The following SERPINB10 variants were observed in gnomAD, a reference collection of about 807,000 sequenced individuals.
SERPINB10 encodes serpin family B member 10, also known as serpin B10.
In SERPINB10, 35 loss-of-function variants were observed where a neutral mutation model predicts 39.1. The observed-to-expected ratio is 0.90, with a 90% CI of 0.68 to 1.19. The LOEUF is 1.19. Among genes scored for constraint, SERPINB10 ranks in the 50% most tolerant of loss-of-function variants. The pLI is 0.00. For missense variants in SERPINB10, 546 were observed against 460.5 expected (o/e 1.19, Z -1.70); for synonymous variants, 190 against 158.1 (o/e 1.20, Z -1.52).
intron 4 of SERPINB10, 112 bp downstream of exon 4, chr18:63,918,214 G>A (rs2050119056): frequency 9.2e-7 from 1 of 1,086,316 alleles, no homozygotes; most frequent in Non-Finnish European, 1.3e-6. Context: ...CATGTGGTCA[G>A]TACTTCCCTG....
rs937497973 is a variant in SERPINB10 at position 63,935,858 on chromosome 18, C to T, written c.*616C>T. The T allele has an allele frequency of 6.6e-6, 1 of 152,122 alleles. No individual in the cohort carries two copies. The highest frequency in any genetic ancestry group is 1.5e-5 in the Non-Finnish European group (1 of 68,016). The allele number at this position is 152,122 out of a possible 1,614,324, so 9.4% of individuals were successfully genotyped here. A position where few individuals can be genotyped will look rare whatever the true frequency, so the allele number is the denominator to read the frequency against. Reference sequence around the variant, plus strand: ...TAAATTATGATTGTAAAACTAAACCCCCTTTTTCTGCTATTTAAAAAATAC... The same window carrying T: ...TAAATTATGATTGTAAAACTAAACCTCCTTTTTCTGCTATTTAAAAAATAC... On this transcript the variant is annotated 3_prime_UTR_variant, in exon 8 of 8. Transcript: ENST00000238508.
intron 2 of SERPINB10, among the ~76,000 whole-genome samples, chr18:63,916,842 T>G (rs2050106687): frequency 6.6e-6 from 1 of 152,042 alleles, no homozygotes; most frequent in Admixed American, 6.6e-5. Context: ...GTTGAAGCAG[T>G]ATACCGTATT....
intron 5 of SERPINB10, among the ~76,000 whole-genome samples, chr18:63,929,299 T>C (rs2050202759): frequency 6.6e-6 from 1 of 152,172 alleles, no homozygotes; most frequent in African/African-American, 2.4e-5. Flanking sequence ...GTTAGAAATT[T>C]AAAATTTTTG....
At chr18:63,915,246 A>C (rs1043381499) in intron 1 of SERPINB10, among the ~76,000 whole-genome samples, 3 of 152,104 alleles carry the variant, frequency 2.0e-5, no homozygotes, top group African/African-American at 7.2e-5. Context: ...TATGGGACTC[A>C]GCTTTTAACT....
At chr18:63,928,512 C>T (rs1333432951) in intron 5 of SERPINB10, among the ~76,000 whole-genome samples, 1 of 152,000 alleles carries the variant, frequency 6.6e-6, no homozygotes, top group Non-Finnish European at 1.5e-5. Context: ...AAAACATTGG[C>T]ACAGCCTTTC....
At chr18:63,915,216 G>T (rs544289419) in intron 1 of SERPINB10, among the ~76,000 whole-genome samples, 130 of 152,170 alleles carry the variant, frequency 8.5e-4, no homozygotes, top group Non-Finnish European at 1.5e-3. Context: ...AAAATGTCAA[G>T]AGAGTGGCAA....
intron 4 of SERPINB10, among the ~76,000 whole-genome samples, chr18:63,919,213 G>A (rs2050127870): frequency 6.7e-6 from 1 of 150,350 alleles, no homozygotes; most frequent in Non-Finnish European, 1.5e-5. Context: ...AACATCAGAG[G>A]ACCAGGAGGA....
chr18:63,913,127 C>T (rs140743375), intron 1 of SERPINB10, among the ~76,000 whole-genome samples: 106 of 151,772 alleles, frequency 7.0e-4, no homozygotes, highest in African/African-American at 2.1e-3. Flanking sequence ...TGTAATGTCA[C>T]TTTTGTTATT....
Position 63,915,811 on chromosome 18 carries a change from T to G in SERPINB10, c.168+133T>G, listed in dbSNP as rs17072100. ...ACATTCTCTAAAACAAGACATACAT[T>G]AAAACATTCTATACCATAAAACAAA... On this transcript the variant is annotated intron_variant, in intron 2 of 7. Transcript: ENST00000238508. 7.8e-3 allele frequency: 5,986 copies of G among 768,448 alleles called. 281 individuals are homozygous for G. In the African/African-American group the frequency reaches 0.097, roughly 12 times the overall value. 47.6% of individuals were successfully genotyped at this position (768,448 alleles called of 1,614,324 possible).
chr18:63,917,592 T>C (rs2050113601), intron 3 of SERPINB10, 71 bp downstream of exon 3: 1 of 866,624 alleles, frequency 1.2e-6, no homozygotes, highest in African/African-American at 1.8e-5. Context: ...ATTTTAGTGA[T>C]AACTGAAGCA....
intron 1 of SERPINB10, among the ~76,000 whole-genome samples, chr18:63,909,091 G>A (rs73478024): frequency 0.051 from 7,767 of 151,958 alleles, 691 homozygotes; most frequent in African/African-American, 0.18. Context: ...GATGTGCTAG[G>A]GGCATGCGAT....
chr18:63,924,597 G>A (rs754971462), intron 5 of SERPINB10, among the ~76,000 whole-genome samples: 3 of 151,904 alleles, frequency 2.0e-5, no homozygotes, highest in Admixed American at 1.3e-4. Flanking sequence ...GTCAAAGTTA[G>A]GAGCCACTGC....
intron 1 of SERPINB10, among the ~76,000 whole-genome samples, chr18:63,914,511 A>G (rs1185881576): frequency 1.3e-5 from 2 of 152,122 alleles, no homozygotes; most frequent in Non-Finnish European, 2.9e-5. Context: ...ATTTTGCCAT[A>G]AAATCAAAAT....
intron 1 of SERPINB10, 79 bp downstream of exon 1, chr18:63,908,119 A>G: frequency 8.2e-6 from 2 of 243,958 alleles, no homozygotes; most frequent in South Asian, 8.6e-5. Flanking sequence ...GGTAACAAAT[A>G]ATGAAGACCC....
chr18:63,920,045 A>G, intron 5 of SERPINB10, 140 bp downstream of exon 5: 1 of 475,570 alleles, frequency 2.1e-6, no homozygotes, highest in East Asian at 3.8e-5. Flanking sequence ...ATTTATTTCT[A>G]TTCATGTACG....
At chr18:63,922,408 T>C (rs2050152680) in intron 5 of SERPINB10, among the ~76,000 whole-genome samples, 1 of 152,002 alleles carries the variant, frequency 6.6e-6, no homozygotes, top group Admixed American at 6.6e-5. Context: ...CAGGCAAAAG[T>C]ATGTTATGAC....
chr18:63,919,775 C>G lies in SERPINB10; in HGVS notation c.373-13C>G, dbSNP rs1568245660. On this transcript the variant is annotated splice_polypyrimidine_tract_variant and intron_variant, in intron 4 of 7. Transcript: ENST00000238508. ...AAACTCTACAAAAGGGGATTTTTATCTATGTCTTTCAGAAATATTTAGAAG... is the reference window on the plus strand; with the variant it reads ...AAACTCTACAAAAGGGGATTTTTATGTATGTCTTTCAGAAATATTTAGAAG... 2 of 1,508,378 alleles carry G rather than the reference C, an allele frequency of 1.3e-6. No individual in the cohort carries two copies. Among genetic ancestry groups the G allele is most frequent in the South Asian group, 2.3e-5 (2 of 85,434 alleles). The allele number at this position is 1,508,378 out of a possible 1,614,324, so 93.4% of individuals were successfully genotyped here. A position where few individuals can be genotyped will look rare whatever the true frequency, so the allele number is the denominator to read the frequency against.
At chr18:63,917,748 C>T (rs9320033) in intron 3 of SERPINB10, among the ~76,000 whole-genome samples, 56,524 of 151,852 alleles carry the variant, frequency 0.37, 14,034 homozygotes, top group African/African-American at 0.7. Flanking sequence ...TCAAACTTTT[C>T]CTTGCCTGCT....
intron 1 of SERPINB10, among the ~76,000 whole-genome samples, chr18:63,909,246 CA>C (rs906336528): frequency 6.6e-6 from 1 of 151,958 alleles, no homozygotes; most frequent in Admixed American, 6.6e-5. Context: ...TGCAAAAGAG[CA>C]ATTAATTTTG....
Sources: allele counts gnomAD v4.1 joint callset (sites outside exome capture counted in the v4.1 genomes callset), GRCh38; gene constraint gnomAD v4.1.1; transcripts MANE v1.5; gene names NCBI Gene and HGNC (gene_info 2026-07-23, HGNC 2026-07-21).